CSMD1: variants seen among roughly 807,000 people sequenced by gnomAD.
CSMD1 encodes the protein CUB and Sushi multiple domains 1.
In CSMD1, 213 loss-of-function variants were observed where a neutral mutation model predicts 417.5. The observed-to-expected ratio is 0.51, with a 90% confidence interval of 0.46 to 0.57. The LOEUF is 0.57. CSMD1 is among the 20% of genes least tolerant of loss of function. The pLI is 0.00. For synonymous variants in CSMD1, 2,862 were observed against 1,736.8 expected (o/e 1.65, Z -16.11); for missense variants, 6,923 against 4,529.7 (o/e 1.53, Z -15.17).
intron 5 of CSMD1, among the ~76,000 whole-genome samples, chr8:3,945,699 C>T (rs976129435): frequency 1.3e-5 from 2 of 152,066 alleles, no homozygotes; most frequent in African/African-American, 4.8e-5. Context: ...AGCTCATCGA[C>T]ATTTAAAGCT....
At chr8:3,155,661 C>T (rs1819483710) in intron 39 of CSMD1, among the ~76,000 whole-genome samples, 1 of 152,054 alleles carries the variant, frequency 6.6e-6, no homozygotes, top group Admixed American at 6.6e-5. Context: ...GCCACCGCGC[C>T]CGGTCAAGGC....
chr8:3,671,394 A>G (rs1356968288), intron 7 of CSMD1, among the ~76,000 whole-genome samples: 3 of 147,570 alleles, frequency 2.0e-5, no homozygotes, highest in African/African-American at 7.4e-5. Flanking sequence ...TCTCAGAAGC[A>G]TATAGATCTT....
intron 6 of CSMD1, among the ~76,000 whole-genome samples, chr8:3,712,353 G>T (rs1236418426): frequency 6.6e-6 from 1 of 150,818 alleles, no homozygotes; most frequent in African/African-American, 2.4e-5. Flanking sequence ...GCTGAGCAGA[G>T]ATTTTCATTT....
At chr8:4,615,391 T>C (rs951944263) in intron 2 of CSMD1, among the ~76,000 whole-genome samples, 1 of 152,170 alleles carries the variant, frequency 6.6e-6, no homozygotes, top group Non-Finnish European at 1.5e-5. Context: ...TATGGAGAAA[T>C]TGTGAAAGAA....
intron 40 of CSMD1, among the ~76,000 whole-genome samples, chr8:3,148,421 G>C (rs1818980368): frequency 6.6e-6 from 1 of 152,120 alleles, no homozygotes; most frequent in Non-Finnish European, 1.5e-5. Flanking sequence ...GCAGTGCTGT[G>C]GGTATAAATT....
intron 23 of CSMD1, among the ~76,000 whole-genome samples, chr8:3,309,087 C>T (rs530365402): frequency 6.6e-6 from 1 of 152,164 alleles, no homozygotes; most frequent in Non-Finnish European, 1.5e-5. Flanking sequence ...CCAGTCTGCA[C>T]CCTGGATTCT....
intron 5 of CSMD1, among the ~76,000 whole-genome samples, chr8:3,991,134 A>T (rs1814713651): frequency 6.6e-6 from 1 of 152,230 alleles, no homozygotes; most frequent in South Asian, 2.1e-4. Context: ...GAGACTGGAA[A>T]TTGGCCCCAC....
At chr8:3,651,341 C>T (rs750235459) in intron 7 of CSMD1, among the ~76,000 whole-genome samples, 5 of 152,178 alleles carry the variant, frequency 3.3e-5, no homozygotes, top group African/African-American at 1.2e-4. Context: ...CTAGTCCCCA[C>T]CCCCACACAC....
At chr8:2,967,965 A>G (rs1804118729) in intron 57 of CSMD1, among the ~76,000 whole-genome samples, 1 of 152,160 alleles carries the variant, frequency 6.6e-6, no homozygotes, top group African/African-American at 2.4e-5. Context: ...TGGCAGACAG[A>G]AGTACTCAAT....
Position 4,196,190 on chromosome 8 carries a change from G to A in CSMD1, c.416-164091C>T, listed in dbSNP as rs368258769. Among the ~76,000 whole-genome samples the A allele has an allele frequency of 1.7e-4, 26 of 152,228 alleles. No individual in the cohort carries two copies. In the East Asian group the frequency reaches 3.1e-3, roughly 18 times the overall value. On this transcript the variant is annotated intron_variant, in intron 3 of 69. Coordinates refer to ENST00000635120, the MANE Select transcript of CSMD1 (RefSeq NM_033225.6). ...CGCGCCACTGCACTCCAGCCTGGGCGACGGAGCAAGACTCCGTTTCAAAAA... is the reference window on the plus strand; with the variant it reads ...CGCGCCACTGCACTCCAGCCTGGGCAACGGAGCAAGACTCCGTTTCAAAAA...
intron 68 of CSMD1, among the ~76,000 whole-genome samples, chr8:2,943,598 A>C (rs1188104330): frequency 6.6e-6 from 1 of 152,236 alleles, no homozygotes; most frequent in East Asian, 1.9e-4. Flanking sequence ...AGGTGATAGA[A>C]TCAGCCAGGA....
chr8:3,768,143 TG>T (rs113539382), intron 5 of CSMD1, among the ~76,000 whole-genome samples: 10,999 of 152,040 alleles, frequency 0.072, 479 homozygotes, highest in Middle Eastern at 0.11. Context: ...AGAGAGGGGG[TG>T]GACAGTAAGG....
At chr8:4,889,186 G>T (rs767055456) in intron 1 of CSMD1, among the ~76,000 whole-genome samples, 4 of 152,106 alleles carry the variant, frequency 2.6e-5, no homozygotes, top group Non-Finnish European at 5.9e-5. Context: ...AATACTGACA[G>T]ACATGCCCCA....
intron 6 of CSMD1, among the ~76,000 whole-genome samples, chr8:3,711,667 C>T (rs546995288): frequency 7.2e-5 from 11 of 152,260 alleles, no homozygotes; most frequent in East Asian, 3.9e-4. Context: ...TCCACTTCTG[C>T]GGTTCTCCTG....
chr8:3,075,257 TTTTTC>T (rs200337375), intron 49 of CSMD1, among the ~76,000 whole-genome samples: 1,107 of 43,128 alleles, frequency 0.026, 76 homozygotes, highest in Non-Finnish European at 0.039. Flanking sequence ...CAGGTATTTC[TTTTTC>T]TTTTCTTTTC....
intron 5 of CSMD1, among the ~76,000 whole-genome samples, chr8:3,879,931 G>A (rs1401219991): frequency 6.6e-6 from 1 of 152,076 alleles, no homozygotes; most frequent in African/African-American, 2.4e-5. Flanking sequence ...CTTGGTATGT[G>A]ATACGACTTA....
chr8:3,947,248 T>G lies in CSMD1; in HGVS notation c.818+50655A>C, dbSNP rs530120742. ...GCTGCATGATAAACAGATGCTGAATTTTTATCTAATGTTCTTTCCACATTT... is the reference window on the plus strand; with the variant it reads ...GCTGCATGATAAACAGATGCTGAATGTTTATCTAATGTTCTTTCCACATTT... On this transcript the variant is annotated intron_variant, in intron 5 of 69. Transcript: ENST00000635120. 1.3e-4 allele frequency among the ~76,000 whole-genome samples: 20 copies of G among 152,336 alleles called. No individual in the cohort carries two copies. In the South Asian group the frequency reaches 4.1e-3, roughly 32 times the overall value.
At chr8:3,951,039 G>C (rs1006117469) in intron 5 of CSMD1, among the ~76,000 whole-genome samples, 4 of 152,164 alleles carry the variant, frequency 2.6e-5, no homozygotes, top group Non-Finnish European at 4.4e-5. Flanking sequence ...ACTTTAGTGA[G>C]ATTTTTAAAG....
chr8:4,818,309 A>G (rs1799320271), intron 1 of CSMD1, among the ~76,000 whole-genome samples: 1 of 152,182 alleles, frequency 6.6e-6, no homozygotes, highest in Admixed American at 6.5e-5. Context: ...AAATTGACCA[A>G]AGCTAGATTA....
Sources: allele counts gnomAD v4.1 joint callset (sites outside exome capture counted in the v4.1 genomes callset), GRCh38; gene constraint gnomAD v4.1.1; transcripts MANE v1.5; gene names NCBI Gene and HGNC (gene_info 2026-07-23, HGNC 2026-07-21).